The following SLC9A4 variants were observed in gnomAD, a reference collection of about 807,000 sequenced individuals.
The protein encoded by SLC9A4 is sodium/hydrogen exchanger 4.
In SLC9A4, 63 loss-of-function variants were observed where a neutral mutation model predicts 67.4. The ratio of observed to expected loss-of-function variants is 0.93; its 90% confidence interval spans 0.76 to 1.15. SLC9A4 has a LOEUF of 1.15. SLC9A4 is among the 50% of genes most tolerant of loss of function. The pLI is 0.00. For missense variants in SLC9A4, 1,089 were observed against 987.7 expected, an observed-to-expected ratio of 1.10 and a Z score of -1.38; for synonymous variants, 393 against 367.2, an observed-to-expected ratio of 1.07 and a Z score of -0.80.
At chr2:102,502,543 A>G (rs1684964849) in intron 2 of SLC9A4, among the ~76,000 whole-genome samples, 1 of 152,316 alleles carries the variant, frequency 6.6e-6, no homozygotes, top group East Asian at 1.9e-4. Flanking sequence ...GGGCTGAGGG[A>G]GGGCCCCCAA....
intron 2 of SLC9A4, among the ~76,000 whole-genome samples, chr2:102,493,797 T>C (rs920914318): frequency 1.3e-5 from 2 of 151,918 alleles, no homozygotes; most frequent in African/African-American, 4.9e-5. Flanking sequence ...TATCTCATTG[T>C]ATTTATCTAG....
chr2:102,512,008 T>C (rs1260844249), intron 6 of SLC9A4, among the ~76,000 whole-genome samples, 195 bp from the exon 7 acceptor site: 2 of 152,186 alleles, frequency 1.3e-5, no homozygotes, highest in Non-Finnish European at 2.9e-5. Flanking sequence ...ACAGAGTCTT[T>C]AAACCAAAGT....
In SLC9A4 at chr2:102,530,341, A is replaced by G. The variant is rs950532436; in HGVS notation, c.2039-1989A>G. 2.6e-5 allele frequency among the ~76,000 whole-genome samples: 4 copies of G among 152,330 alleles called. No individual in the cohort carries two copies. In the South Asian group the frequency reaches 6.2e-4, roughly 24 times the overall value. On this transcript the variant is annotated intron_variant, in intron 11 of 11. Transcript: ENST00000295269. ...GAACACATACTCAGATTTTGTTGCC[A>G]AAGTATCCACTGCTCTGCCTGGAAC... is the stretch of plus-strand genomic sequence containing the variant.
At chr2:102,515,381 G>A (rs1397597989) in intron 8 of SLC9A4, among the ~76,000 whole-genome samples, 1 of 148,602 alleles carries the variant, frequency 6.7e-6, no homozygotes. Flanking sequence ...AAGAAATAAG[G>A]CAGAAAGCTT....
chr2:102,501,551 A>G (rs1684941675), intron 2 of SLC9A4, among the ~76,000 whole-genome samples: 1 of 152,030 alleles, frequency 6.6e-6, no homozygotes, highest in Non-Finnish European at 1.5e-5. Context: ...AGCCAAAAAC[A>G]ACAATCTTTT....
intron 2 of SLC9A4, among the ~76,000 whole-genome samples, chr2:102,496,048 A>G (rs796755486): frequency 1.8e-4 from 27 of 152,144 alleles, no homozygotes; most frequent in African/African-American, 5.8e-4. Flanking sequence ...TTATCAAAAG[A>G]AAAAAAATGC....
chr2:102,531,237 T>C (rs1225917695), intron 11 of SLC9A4, among the ~76,000 whole-genome samples: 2 of 152,070 alleles, frequency 1.3e-5, no homozygotes, highest in African/African-American at 4.8e-5. Context: ...TAATTTTTTC[T>C]AGAAAATACC....
intron 3 of SLC9A4, among the ~76,000 whole-genome samples, chr2:102,503,994 G>C (rs568203008): frequency 3.9e-5 from 6 of 152,118 alleles, no homozygotes; most frequent in Non-Finnish European, 8.8e-5. Context: ...AGAAAATCTG[G>C]GGAAACTTCA....
chr2:102,522,332 G>T (rs1685443757), intron 9 of SLC9A4, among the ~76,000 whole-genome samples: 1 of 152,058 alleles, frequency 6.6e-6, no homozygotes, highest in Non-Finnish European at 1.5e-5. Flanking sequence ...CACTGAAAAA[G>T]ACAAAGTTCA....
intron 8 of SLC9A4, among the ~76,000 whole-genome samples, chr2:102,517,719 T>A (rs1685302762): frequency 6.6e-6 from 1 of 152,228 alleles, no homozygotes; most frequent in African/African-American, 2.4e-5. Flanking sequence ...TATGTACAAC[T>A]ACTATGTATC....
chr2:102,484,227 A>G (rs1178959750), intron 2 of SLC9A4, among the ~76,000 whole-genome samples: 3 of 152,176 alleles, frequency 2.0e-5, no homozygotes, highest in African/African-American at 4.8e-5. Context: ...CAGAGCAGAC[A>G]TGGGTGTGCA....
At chr2:102,494,994 A>G (rs562149963) in intron 2 of SLC9A4, among the ~76,000 whole-genome samples, 7 of 152,180 alleles carry the variant, frequency 4.6e-5, no homozygotes, top group Admixed American at 3.3e-4. Context: ...CCTAATTCCT[A>G]TTCATAGAAT....
intron 8 of SLC9A4, among the ~76,000 whole-genome samples, chr2:102,516,476 G>A (rs570417344): frequency 1.3e-5 from 2 of 152,260 alleles, no homozygotes; most frequent in Admixed American, 6.5e-5. Flanking sequence ...AAAGAAGTGT[G>A]TACTCAGCTC....
chr2:102,505,460 G>A lies in SLC9A4; in HGVS notation c.1187G>A (p.Trp396Ter), dbSNP rs762229404. ...ICFTLAFCQI[W>*]RAISVFALFY... ...TTCACCCTGGCCTTCTGCCAAATCTGGAGAGCCATCAGTAAGAGACGGCAG... is the reference window on the plus strand; with the variant it reads ...TTCACCCTGGCCTTCTGCCAAATCTAGAGAGCCATCAGTAAGAGACGGCAG... Residue 396 changes from tryptophan to a stop codon, truncating the protein, a stop_gained, in exon 4 of 12, where the codon TGG (tryptophan) becomes TAG (stop). Transcript: ENST00000295269. LOFTEE classifies it high-confidence loss of function. 1.2e-6 allele frequency: 2 copies of A among 1,613,926 alleles called. No homozygotes were observed. The highest frequency in any genetic ancestry group is 1.7e-6 in the Non-Finnish European group (2 of 1,180,040).
chr2:102,519,434 C>T (rs1192861448), intron 8 of SLC9A4, among the ~76,000 whole-genome samples: 1 of 152,128 alleles, frequency 6.6e-6, no homozygotes, highest in Non-Finnish European at 1.5e-5. Context: ...AAGTACAAAA[C>T]TAGCAAAGAG....
chr2:102,485,006 T>G (rs1366199028), intron 2 of SLC9A4, among the ~76,000 whole-genome samples: 1 of 152,162 alleles, frequency 6.6e-6, no homozygotes, highest in Admixed American at 6.5e-5. Context: ...CCATTCACCT[T>G]GATGGGTGCT....
In SLC9A4 at chr2:102,479,144, C is replaced by A. The variant is rs766712008; in HGVS notation, c.562C>A (p.Leu188Met). The A allele has an allele frequency of 5.6e-6, 9 of 1,614,020 alleles. No individual in the cohort carries two copies. Among genetic ancestry groups the A allele is most frequent in the Non-Finnish European group, 7.6e-6 (9 of 1,180,002 alleles). The part of the protein sequence containing the change: ...YLICQVKAFG[L>M]GDVNLLQNLL... ...CATCTGCCAGGTGAAGGCCTTTGGCCTGGGCGACGTCAACCTGCTGCAGAA... is the reference window on the plus strand; with the variant it reads ...CATCTGCCAGGTGAAGGCCTTTGGCATGGGCGACGTCAACCTGCTGCAGAA... The change falls in exon 2 of 12, where the codon CTG (leucine) becomes ATG (methionine). Residue 188 changes from leucine (L) to methionine (M), a missense_variant. Leu to Met is a conservative substitution (Grantham distance 15). Coordinates refer to ENST00000295269, the MANE Select transcript of SLC9A4 (RefSeq NM_001011552.4).
At chr2:102,527,269 C>CAA (rs4070555) in intron 11 of SLC9A4, among the ~76,000 whole-genome samples, 95,419 of 151,614 alleles carry the variant, frequency 0.63, 30,145 homozygotes, top group Middle Eastern at 0.72. Flanking sequence ...CCTCCCTCCA[C>CAA]AAAAAAATCA....
intron 2 of SLC9A4, among the ~76,000 whole-genome samples, chr2:102,483,939 A>G (rs1684530438): frequency 6.7e-6 from 1 of 149,902 alleles, no homozygotes; most frequent in African/African-American, 2.4e-5. Context: ...TAGCATATAT[A>G]AACATCATGT....
Sources: gnomAD v4.1 joint callset for allele counts (sites outside exome capture counted in the v4.1 genomes callset) on GRCh38, gnomAD v4.1.1 for gene constraint, MANE v1.5 for transcripts, NCBI Gene and HGNC (gene_info 2026-07-23, HGNC 2026-07-21) for gene names.